The following USP13 variants were observed in gnomAD, a reference collection of about 807,000 sequenced individuals.
The protein encoded by USP13 is ubiquitin carboxyl-terminal hydrolase 13.
USP13 carries 68 observed loss-of-function variants against 107.8 expected under a neutral mutation model. That is an observed-to-expected ratio of 0.63 (90% CI 0.52 to 0.77). USP13 has a LOEUF of 0.77. Ranked by LOEUF, USP13 falls within the 30% of genes least tolerant of loss-of-function variation. The probability of loss-of-function intolerance (pLI) is 0.00; values close to 1 mark genes in which losing one functional copy is unlikely to be tolerated. For missense variants in USP13, 945 were observed against 1,093.3 expected, an observed-to-expected ratio of 0.86 and a Z score of 1.91; for synonymous variants, 377 against 389.5, an observed-to-expected ratio of 0.97 and a Z score of 0.38.
At chr3:179,750,313 T>C in intron 13 of USP13, among the ~76,000 whole-genome samples, 1 of 47,768 alleles carries the variant, frequency 2.1e-5, no homozygotes, top group African/African-American at 6.6e-5. Context: ...TGTATATATA[T>C]ATATATATGT....
At position 179,656,317 on chromosome 3, in the gene USP13, C is replaced by T. The variant is rs575447752; in HGVS notation, c.168+2924C>T. Among the ~76,000 whole-genome samples, 6 of 152,244 alleles carry T rather than the reference C, an allele frequency of 3.9e-5. No individual in the cohort carries two copies. In the South Asian group the frequency reaches 1.2e-3, roughly 32 times the overall value. On this transcript the variant is annotated intron_variant, in intron 1 of 20. Transcript: ENST00000263966. ...ACATTTGATCTTGATTTTATATGGT[C>T]AGTTATGGAAAGCTATTCTTGGTCA...
At chr3:179,655,657 T>G (rs1485731991) in intron 1 of USP13, among the ~76,000 whole-genome samples, 2 of 151,212 alleles carry the variant, frequency 1.3e-5, no homozygotes, top group African/African-American at 4.9e-5. Flanking sequence ...TGGATTCAAG[T>G]GATTCTCCTG....
In USP13 at chr3:179,760,910, G is replaced by A. The variant is rs62290458; in HGVS notation, c.1949-202G>A. Among the ~76,000 whole-genome samples the A allele has an allele frequency of 1.1e-3, 160 of 152,326 alleles. 1 individual carries two copies. The highest frequency in any genetic ancestry group is 1.9e-3 in the Non-Finnish European group (128 of 68,030). ...TCCAGGTAATTAACCTGGTTCCTATGTGGGTCAAAGATATAAACTTAGCCC... is the reference window on the plus strand; with the variant it reads ...TCCAGGTAATTAACCTGGTTCCTATATGGGTCAAAGATATAAACTTAGCCC... On this transcript the variant is annotated intron_variant, in intron 16 of 20. Coordinates refer to ENST00000263966, the MANE Select transcript of USP13 (RefSeq NM_003940.3).
In USP13 at chr3:179,750,296, A is replaced by G. The variant is rs866006530; in HGVS notation, c.1710-1989A>G. ...AATAATAATAATAATAAATATATAT[A>G]TGTGTGTGTATATATATATATATAT... On this transcript the variant is annotated intron_variant, in intron 13 of 20. Coordinates refer to ENST00000263966, the MANE Select transcript of USP13 (RefSeq NM_003940.3). 4.9e-3 allele frequency among the ~76,000 whole-genome samples: 627 copies of G among 128,186 alleles called. 6 individuals carry two copies. The highest frequency in any genetic ancestry group is 0.02 in the African/African-American group (597 of 30,150). The allele number at this position is 128,186 out of a possible 152,430, so 84.1% of individuals were successfully genotyped here.
Position 179,761,047 on chromosome 3 carries a change from G to A in USP13, c.1949-65G>A. 2.5e-6 allele frequency: 4 copies of A among 1,594,342 alleles called. No homozygotes were observed. In the South Asian group the frequency reaches 3.4e-5, roughly 13 times the overall value. ...GGTAGCATGTGGATAGGAGAGTGGA[G>A]AGTAGCTAAGACAAGAAGCGACAGT... is the stretch of plus-strand genomic sequence containing the variant. On this transcript the variant is annotated intron_variant, in intron 16 of 20. Coordinates refer to ENST00000263966, the MANE Select transcript of USP13 (RefSeq NM_003940.3).
chr3:179,777,665 T>G (rs1017022221), intron 19 of USP13, among the ~76,000 whole-genome samples: 1 of 151,972 alleles, frequency 6.6e-6, no homozygotes, highest in Non-Finnish European at 1.5e-5. Flanking sequence ...TTGCCCAGGC[T>G]GGTCTCAAAC....
intron 19 of USP13, among the ~76,000 whole-genome samples, chr3:179,780,535 G>A (rs184260713): frequency 3.9e-5 from 6 of 152,122 alleles, no homozygotes; most frequent in Admixed American, 1.3e-4. Flanking sequence ...GTCTGGATAG[G>A]GGGGGAAGAA....
intron 16 of USP13, among the ~76,000 whole-genome samples, chr3:179,758,847 A>G (rs1714902423): frequency 6.6e-6 from 1 of 151,982 alleles, no homozygotes; most frequent in Admixed American, 6.6e-5. Flanking sequence ...AAAAGTAAAA[A>G]GTCATTTAGA....
In USP13 at chr3:179,752,087, C is replaced by G. The variant is rs544658163; in HGVS notation, c.1710-198C>G. ...AACATTCTACATTAAACATTTTCTT[C>G]TTGTGAAGAGGCCAGGACAAATGAG... On this transcript the variant is annotated intron_variant, in intron 13 of 20. Coordinates refer to ENST00000263966, the MANE Select transcript of USP13 (RefSeq NM_003940.3). 2.0e-5 allele frequency among the ~76,000 whole-genome samples: 3 copies of G among 152,308 alleles called. No homozygotes were observed. The East Asian group carries it at 5.8e-4, about 29-fold the overall frequency.
intron 12 of USP13, among the ~76,000 whole-genome samples, chr3:179,743,833 A>G (rs1283355990): frequency 1.7e-5 from 1 of 59,450 alleles, no homozygotes; most frequent in Non-Finnish European, 5.1e-5. Context: ...TCATAAACTG[A>G]TTGGGGACAG....
At chr3:179,709,064 C>T in intron 6 of USP13, 107 bp downstream of exon 6, 1 of 1,323,278 alleles carries the variant, frequency 7.6e-7, no homozygotes. Flanking sequence ...ATGCAGACAG[C>T]CCAGGTTTGA....
chr3:179,750,326 G>GTATATATATATATATATATGTA (rs1714564305), intron 13 of USP13, among the ~76,000 whole-genome samples: 1 of 75,828 alleles, frequency 1.3e-5, no homozygotes, highest in African/African-American at 3.9e-5. Context: ...ATATATGTGT[G>GTATATATATATATATATATGTA]TATATATATA....
At chr3:179,744,777 G>A (rs917053760) in intron 12 of USP13, among the ~76,000 whole-genome samples, 1 of 152,112 alleles carries the variant, frequency 6.6e-6, no homozygotes, top group Non-Finnish European at 1.5e-5. Flanking sequence ...ACCCACCCAG[G>A]CCAGGCCAAG....
Position 179,740,227 on chromosome 3 carries a change from A to G in USP13, c.1255-20A>G. The stretch of plus-strand genomic sequence containing the variant: ...ATTTGCATGAAAGTATCATAAGTCC[A>G]TTTCATTTTTATACATTAGCCACAG... On this transcript the variant is annotated intron_variant, in intron 10 of 20. Transcript: ENST00000263966. The G allele has an allele frequency of 1.2e-6, 2 of 1,612,744 alleles. No homozygotes were observed. Among genetic ancestry groups the G allele is most frequent in the East Asian group, 2.2e-5 (1 of 44,836 alleles).
chr3:179,669,578 C>T (rs1186520623), intron 1 of USP13, among the ~76,000 whole-genome samples: 1 of 152,132 alleles, frequency 6.6e-6, no homozygotes, highest in Admixed American at 6.5e-5. Flanking sequence ...GCTAAGCCAC[C>T]ATCTGGCCTT....
In USP13 at chr3:179,681,954, G is replaced by T. The variant is rs941638970; in HGVS notation, c.245G>T (p.Arg82Leu). The change falls in exon 2 of 21, where the codon CGA (arginine) becomes CTA (leucine). Residue 82 changes from arginine (R) to leucine (L), a missense_variant. Arg to Leu is a moderately radical substitution (Grantham distance 102). Transcript: ENST00000263966. ...FGREHVERHF[R>L]KTGQSVYMHL... ...AGGGAACATGTTGAAAGACATTTTCGAAAAACTGGACAGAGTGTATACATG... is the reference window on the plus strand; with the variant it reads ...AGGGAACATGTTGAAAGACATTTTCTAAAAACTGGACAGAGTGTATACATG... 2 of 1,613,734 alleles carry T rather than the reference G, an allele frequency of 1.2e-6. No individual in the cohort carries two copies. Among genetic ancestry groups the T allele is most frequent in the African/African-American group, 2.7e-5 (2 of 74,862 alleles).
intron 12 of USP13, among the ~76,000 whole-genome samples, chr3:179,743,456 TG>T (rs1560071290): frequency 6.6e-6 from 1 of 150,802 alleles, no homozygotes; most frequent in African/African-American, 2.4e-5. Context: ...TTCTTGTGTG[TG>T]GGGGGTGGTG....
At chr3:179,758,427 A>G (rs574383634) in intron 16 of USP13, among the ~76,000 whole-genome samples, 1 of 152,236 alleles carries the variant, frequency 6.6e-6, no homozygotes, top group East Asian at 1.9e-4. Flanking sequence ...GGATCTAAGC[A>G]TGCTGTCTTA....
At chr3:179,764,663 A>G (rs1715116592) in intron 18 of USP13, among the ~76,000 whole-genome samples, 1 of 152,204 alleles carries the variant, frequency 6.6e-6, no homozygotes, top group Non-Finnish European at 1.5e-5. Context: ...TCTGGTAGCC[A>G]TGAACTTCTT....
Sources: allele counts gnomAD v4.1 joint callset (sites outside exome capture counted in the v4.1 genomes callset), GRCh38; gene constraint gnomAD v4.1.1; transcripts MANE v1.5; gene names NCBI Gene and HGNC (gene_info 2026-07-23, HGNC 2026-07-21).